Variants in MEGF8 observed in about 807,000 individuals in gnomAD.
MEGF8 encodes the protein multiple epidermal growth factor-like domains protein 8.
Under a neutral mutation model 302.9 loss-of-function variants are expected in MEGF8, and 156 were observed. That is an observed-to-expected ratio of 0.52 (90% CI 0.45 to 0.59). MEGF8 has a LOEUF of 0.59. MEGF8 is among the 20% of genes least tolerant of loss of function. MEGF8 has a pLI of 0.00. For missense variants in MEGF8, 3,345 were observed against 3,964.5 expected, an observed-to-expected ratio of 0.84 and a Z score of 4.20; for synonymous variants, 1,621 against 1,660.5, an observed-to-expected ratio of 0.98 and a Z score of 0.58.
intron 14 of MEGF8, among the ~76,000 whole-genome samples, 179 bp downstream of exon 14, chr19:42,349,878 A>G (rs1234956551): frequency 6.6e-6 from 1 of 151,852 alleles, no homozygotes; most frequent in Non-Finnish European, 1.5e-5. Context: ...ACCTCTGCCT[A>G]TAGACCCTAA....
At position 42,357,348 on chromosome 19, in the gene MEGF8, A is replaced by C. The variant is rs889809588; in HGVS notation, c.4831-56A>C. On this transcript the variant is annotated intron_variant, in intron 27 of 41. Transcript: ENST00000251268. This position sits in a 1 kb window ranked among gnomAD's most constrained non-coding sequence, Gnocchi z 5.2. The stretch of plus-strand genomic sequence containing the variant: ...GGGGGGCTGAGGCTCGCTTCTACCC[A>C]CAAGGTGACCCCTGACCTCTAGCCC... 1.9e-6 allele frequency: 3 copies of C among 1,573,878 alleles called. No individual in the cohort carries two copies. The African/African-American group carries it at 4.0e-5, about 21-fold the overall frequency.
rs1377791176 is a variant in MEGF8, at chr19:42,337,090, A to G, written c.1397A>G (p.Asn466Ser). Residue 466 changes from asparagine to serine, a missense_variant, in exon 8 of 42, where the codon AAT becomes AGT. Coordinates refer to ENST00000251268, the MANE Select transcript of MEGF8 (RefSeq NM_001271938.2). ...CCCTTTCCTCCATTCCCAGGGGGCA[A>G]TGTGCACACCCATTACCAGGAGGAA... The part of the protein sequence containing the change: ...LGNYMVVYGG[N>S]VHTHYQEEKC... 1.2e-6 allele frequency: 2 copies of G among 1,613,940 alleles called. No homozygotes were observed. The highest frequency in any genetic ancestry group is 1.1e-5 in the South Asian group (1 of 91,074).
intron 12 of MEGF8, among the ~76,000 whole-genome samples, chr19:42,347,514 C>T (rs538853023): frequency 1.9e-4 from 29 of 151,380 alleles, no homozygotes; most frequent in African/African-American, 5.1e-4. Context: ...TGTTTTGAGA[C>T]GGAGTTTTGC....
In MEGF8 at chr19:42,368,761, C is replaced by T. The variant is rs2039643331; in HGVS notation, c.6482-82C>T. ...CTGGGCCAGACCCAGAGGTGGGGCT[C>T]AGAGGAGGCAGGAGGGAGGGCCTAG... On this transcript the variant is annotated intron_variant, in intron 36 of 41. Coordinates refer to ENST00000251268, the MANE Select transcript of MEGF8 (RefSeq NM_001271938.2). The surrounding 1 kb of genome is among the most constrained non-coding windows in gnomAD (Gnocchi z 4.9). 1 of 1,563,114 alleles carries T rather than the reference C, an allele frequency of 6.4e-7. No individual in the cohort carries two copies. Among genetic ancestry groups the T allele is most frequent in the Non-Finnish European group, 8.7e-7 (1 of 1,154,836 alleles).
intron 1 of MEGF8, among the ~76,000 whole-genome samples, chr19:42,331,023 G>A (rs2039047750): frequency 6.6e-6 from 1 of 152,166 alleles, no homozygotes; most frequent in African/African-American, 2.4e-5. Context: ...GGGAGGGACG[G>A]GGCCAGATGT....
At position 42,358,801 on chromosome 19, in the gene MEGF8, G is replaced by T. The variant is rs1187157009; in HGVS notation, c.5190G>T (p.Arg1730Ser). 2 of 1,568,780 alleles carry T rather than the reference G, an allele frequency of 1.3e-6. No homozygotes were observed. The highest frequency in any genetic ancestry group is 1.7e-6 in the Non-Finnish European group (2 of 1,158,808). ...PSQGAKRDRMRNVRGSSRGLG... is the reference protein window; with the variant it reads ...PSQGAKRDRMSNVRGSSRGLG... ...ACTGTCACTAGCGAGATCGTATGAGGAATGTGCGTGGCTCATCTCGGGGTC... is the reference window on the plus strand; with the variant it reads ...ACTGTCACTAGCGAGATCGTATGAGTAATGTGCGTGGCTCATCTCGGGGTC... The change falls in exon 30 of 42, where the codon AGG becomes AGT. Residue 1730 changes from arginine (R) to serine (S), a missense_variant. By Grantham distance (110) the Arg-to-Ser change is moderately radical. Coordinates refer to ENST00000251268, the MANE Select transcript of MEGF8 (RefSeq NM_001271938.2). This position sits in a 1 kb window ranked among gnomAD's most constrained non-coding sequence, Gnocchi z 4.4.
intron 8 of MEGF8, among the ~76,000 whole-genome samples, chr19:42,338,967 T>TA (rs56409369): frequency 1 from 151,409 of 151,410 alleles, 75,704 homozygotes; most frequent in Non-Finnish European, 1. Context: ...CCCGAGTAGA[T>TA]GGATTACAGG....
intron 1 of MEGF8, among the ~76,000 whole-genome samples, chr19:42,327,613 T>C (rs1238944284): frequency 1.3e-5 from 2 of 152,258 alleles, no homozygotes; most frequent in East Asian, 1.9e-4. Flanking sequence ...TAAACTCCTA[T>C]GCATGCCTCA....
chr19:42,365,734 T>C (rs1322518737), intron 35 of MEGF8, among the ~76,000 whole-genome samples: 1 of 139,304 alleles, frequency 7.2e-6, no homozygotes, highest in South Asian at 2.3e-4. Flanking sequence ...ATTACAGCAC[T>C]GCACTCCAGC....
rs1409781298 is a variant in MEGF8 at position 42,362,387 on chromosome 19, T to C, written c.5848T>C (p.Ser1950Pro). The change falls in exon 34 of 42, where the codon TCC (serine) becomes CCC (proline). Residue 1950 changes from serine to proline, a missense_variant. By Grantham distance (74) the Ser-to-Pro change is moderately conservative (BLOSUM62 -1). Coordinates refer to ENST00000251268, the MANE Select transcript of MEGF8 (RefSeq NM_001271938.2). ...CTAGCCTGTCTTCCCTCACCAGGCG[T>C]CCACCCCCCGCTGTAAGTGGTGTAC... is the stretch of plus-strand genomic sequence containing the variant. ...RTLQPGDGEA[S>P]TPRCKWCTNC... The C allele has an allele frequency of 6.2e-7, 1 of 1,613,662 alleles. No homozygotes were observed. Among genetic ancestry groups the C allele is most frequent in the Non-Finnish European group, 8.5e-7 (1 of 1,179,852 alleles).
chr19:42,359,235 C>A lies in MEGF8; in HGVS notation c.5481C>A (p.Asp1827Glu), dbSNP rs2039497846. 2 of 1,569,756 alleles carry A rather than the reference C, an allele frequency of 1.3e-6. No homozygotes were observed. Among genetic ancestry groups the A allele is most frequent in the Non-Finnish European group, 1.7e-6 (2 of 1,157,418 alleles). The change falls in exon 31 of 42, where the codon GAC becomes GAA. Residue 1827 changes from aspartate (D) to glutamate (E), a missense_variant. Coordinates refer to ENST00000251268, the MANE Select transcript of MEGF8 (RefSeq NM_001271938.2). ...QVNCNAWLLP[D>E]LTRSASVGPP... ...ACTGCAATGCCTGGCTTCTGCCCGA[C>A]CTCACCCGTAAGTCCCCATTGTGGC... is the stretch of plus-strand genomic sequence containing the variant.
At chr19:42,361,191 G>A (rs1023645154) in intron 32 of MEGF8, among the ~76,000 whole-genome samples, 185 bp downstream of exon 32, 2 of 152,220 alleles carry the variant, frequency 1.3e-5, no homozygotes, top group Non-Finnish European at 2.9e-5. Flanking sequence ...GGGGTCTCAT[G>A]CAAGAATGCT....
chr19:42,370,536 G>A, intron 39 of MEGF8, 165 bp from the exon 40 acceptor site: 1 of 929,928 alleles, frequency 1.1e-6, no homozygotes, highest in Non-Finnish European at 1.6e-6. Context: ...TGGGTCTGAG[G>A]GAAGAGGAGC....
chr19:42,361,007 G>C lies in MEGF8; in HGVS notation c.5720+1G>C. The stretch of plus-strand genomic sequence containing the variant: ...GCTTGTCCGGGGATCAGGCCCACAG[G>C]TAACCATGGCGACCATGACAGGCAG... On this transcript the variant is annotated splice_donor_variant, in intron 32 of 41. Coordinates refer to ENST00000251268, the MANE Select transcript of MEGF8 (RefSeq NM_001271938.2). LOFTEE classifies it high-confidence loss of function. The C allele has an allele frequency of 1.3e-6, 2 of 1,541,906 alleles. No homozygotes were observed. Among genetic ancestry groups the C allele is most frequent in the Non-Finnish European group, 1.7e-6 (2 of 1,144,026 alleles).
chr19:42,332,937 G>A (rs2039074088), intron 1 of MEGF8, among the ~76,000 whole-genome samples: 1 of 152,176 alleles, frequency 6.6e-6, no homozygotes, highest in Non-Finnish European at 1.5e-5. Context: ...GAGGGGGTGG[G>A]TTACTTGGCC....
intron 2 of MEGF8, 55 bp downstream of exon 2, chr19:42,333,823 A>G: frequency 6.3e-7 from 1 of 1,595,596 alleles, no homozygotes; most frequent in South Asian, 1.1e-5. Context: ...AGAAGAAAGG[A>G]GGGACAGAGA....
At chr19:42,342,587 A>C (rs1281395639) in intron 8 of MEGF8, among the ~76,000 whole-genome samples, 2 of 151,610 alleles carry the variant, frequency 1.3e-5, no homozygotes, top group African/African-American at 2.4e-5. Context: ...CAGTGAGCTG[A>C]GATCGTGGCA....
At chr19:42,340,853 AGTTGAAGTTTTGCCAT>A (rs1336958948) in intron 8 of MEGF8, among the ~76,000 whole-genome samples, 4 of 151,208 alleles carry the variant, frequency 2.6e-5, no homozygotes, top group African/African-American at 9.7e-5. Flanking sequence ...TTTTTGGTAG[AGTTGAAGTTTTGCCAT>A]GTTTGCCAGG....
chr19:42,348,816 G>A (rs2039327340), intron 13 of MEGF8, among the ~76,000 whole-genome samples: 1 of 152,214 alleles, frequency 6.6e-6, no homozygotes, highest in Non-Finnish European at 1.5e-5. Flanking sequence ...TGGCCAGGCT[G>A]GTTTGGAACT....
Sources: allele counts gnomAD v4.1 joint callset (sites outside exome capture counted in the v4.1 genomes callset), GRCh38; gene constraint gnomAD v4.1.1; non-coding constraint Gnocchi (gnomAD v3.1); transcripts MANE v1.5; gene names NCBI Gene and HGNC (gene_info 2026-07-23, HGNC 2026-07-21).